The following RHBDF2 variants were observed in gnomAD, a reference collection of about 807,000 sequenced individuals.
RHBDF2 encodes rhomboid 5 homolog 2.
RHBDF2 carries 38 observed loss-of-function variants against 95.2 expected under a neutral mutation model. The observed-to-expected ratio is 0.40, with a 90% CI of 0.31 to 0.52. The LOEUF (loss-of-function observed/expected upper bound fraction) is 0.52. RHBDF2 is among the 20% of genes least tolerant of loss of function. The pLI, the probability that RHBDF2 is intolerant of heterozygous loss-of-function variation, is 0.56. For synonymous variants in RHBDF2, 442 were observed against 462.0 expected (o/e 0.96, Z 0.55); for missense variants, 863 against 1,137.7 (o/e 0.76, Z 3.47).
At chr17:76,493,734 G>A (rs1238538464) in intron 1 of RHBDF2, among the ~76,000 whole-genome samples, 1 of 152,182 alleles carries the variant, frequency 6.6e-6, no homozygotes, top group Admixed American at 6.5e-5. Context: ...GCGCAGACAC[G>A]ATCTCAACCC....
At position 76,474,063 on chromosome 17, in the gene RHBDF2, G is replaced by C; in HGVS notation, c.1544C>G (p.Thr515Ser). ...MDKSDLGQKR[T>S]SGAVCHQDPR... is the part of the protein sequence containing the mutation. ...GTCCTGGTGGCAGACAGCCCCCGAA[G>C]TCCGCTTCTGGCCCAGATCAGACTT... Residue 515 changes from threonine to serine, a missense_variant, in exon 13 of 19, where the codon ACT becomes AGT. Coordinates refer to ENST00000675367, the MANE Select transcript of RHBDF2 (RefSeq NM_001005498.4). 6.2e-7 allele frequency: 1 copy of C among 1,613,222 alleles called. No homozygotes were observed.
In RHBDF2 at chr17:76,479,733, T is replaced by C; in HGVS notation, c.272A>G (p.Lys91Arg). The C allele has an allele frequency of 6.2e-7, 1 of 1,606,590 alleles. No homozygotes were observed. Among genetic ancestry groups the C allele is most frequent in the Non-Finnish European group, 8.5e-7 (1 of 1,178,966 alleles). Residue 91 changes from lysine to arginine, a missense_variant and splice_region_variant, in exon 4 of 19, where the codon AAG (lysine) becomes AGG (arginine). Physicochemically the swap from Lys to Arg is conservative, Grantham distance 26 (BLOSUM62 2). This residue lies in a region of RHBDF2 where 611 missense variants were observed against 725.5 expected (regional missense o/e 0.84). Coordinates refer to ENST00000675367, the MANE Select transcript of RHBDF2 (RefSeq NM_001005498.4). ...RQASLSQSIRKGAAQWFGVSG... is the reference protein window; with the variant it reads ...RQASLSQSIRRGAAQWFGVSG... ...TGGGCTTGGGTGTAGGGGGGCTCAC[T>C]TGCGGATGCTCTGGGACAGTGAGGC...
Position 76,481,501 on chromosome 17 carries a change from G to A in RHBDF2, c.24C>T (p.Gly8=), listed in dbSNP as rs764411433. 2.0e-5 allele frequency: 32 copies of A among 1,610,516 alleles called. No individual in the cohort carries two copies. Among genetic ancestry groups the A allele is most frequent in the Middle Eastern group, 3.4e-4 (2 of 5,948 alleles). ...TGCTGGACACAGAGGACACGCTCCC[G>A]CCATTCTTGTCAGCAGAGGCCATTG... MASADKN[G]GSVSSVSSSR... Residue 8 remains glycine, a synonymous_variant, in exon 3 of 19, where the codon GGC becomes GGT. Coordinates refer to ENST00000675367, the MANE Select transcript of RHBDF2 (RefSeq NM_001005498.4).
In RHBDF2 at chr17:76,476,953, A is replaced by G; in HGVS notation, c.992T>C (p.Phe331Ser). The change falls in exon 9 of 19, where the codon TTT becomes TCT. Residue 331 changes from phenylalanine to serine, a missense_variant. By Grantham distance (155) the Phe-to-Ser change is radical. This residue lies in a region of RHBDF2 where 611 missense variants were observed against 725.5 expected (regional missense o/e 0.84). Transcript: ENST00000675367. ...GTGCCGCTTCTTCCGATCAAAGGCA[A>G]AGTGCTTCACCTTGGAGGCGATGCG... ...GKRIASKVKHFAFDRKKRHYG... is the reference protein window; with the variant it reads ...GKRIASKVKHSAFDRKKRHYG... The G allele has an allele frequency of 1.9e-6, 3 of 1,613,970 alleles. No homozygotes were observed. Among genetic ancestry groups the G allele is most frequent in the Non-Finnish European group, 2.5e-6 (3 of 1,180,034 alleles).
intron 6 of RHBDF2, among the ~76,000 whole-genome samples, chr17:76,478,299 T>A (rs1470829120): frequency 6.6e-6 from 1 of 152,218 alleles, no homozygotes; most frequent in Non-Finnish European, 1.5e-5. Flanking sequence ...CATAGGCCAT[T>A]CCCTCTGCTG....
In RHBDF2 at chr17:76,476,986, C is replaced by T; in HGVS notation, c.959G>A (p.Arg320His). The T allele has an allele frequency of 1.9e-6, 3 of 1,613,862 alleles. No individual in the cohort carries two copies. Among genetic ancestry groups the T allele is most frequent in the East Asian group, 2.2e-5 (1 of 44,886 alleles). ...YGRAPVPGPR[R>H]GKRIASKVKH... is the part of the protein sequence containing the mutation. ...CACCTTGGAGGCGATGCGCTTGCCG[C>T]GCCGGGGCCCGGGGACTGGGGCTCG... The change falls in exon 9 of 19, where the codon CGC becomes CAC. Residue 320 changes from arginine to histidine, a missense_variant. Physicochemically the swap from Arg to His is conservative, Grantham distance 29. Around this residue, in one of 2 missense-constraint regions of RHBDF2, gnomAD observed 611 missense variants for 725.5 expected, o/e 0.84. Transcript: ENST00000675367.
At chr17:76,480,662 A>G (rs2073937833) in intron 3 of RHBDF2, among the ~76,000 whole-genome samples, 3 of 152,186 alleles carry the variant, frequency 2.0e-5, no homozygotes, top group Admixed American at 2.0e-4. Context: ...ATGAGATTAC[A>G]GGCATGAGGC....
chr17:76,481,309 A>C, intron 3 of RHBDF2, 66 bp downstream of exon 3: 1 of 1,531,492 alleles, frequency 6.5e-7, no homozygotes, highest in South Asian at 1.2e-5. Context: ...AACTGACCAG[A>C]AAGTGTCACG....
chr17:76,479,563 C>T (rs1286212585), intron 4 of RHBDF2, 170 bp downstream of exon 4: 2 of 727,754 alleles, frequency 2.7e-6, no homozygotes, highest in South Asian at 1.5e-5. Flanking sequence ...AGCACATACC[C>T]ATTTCCCCAT....
rs1365502389 is a variant in RHBDF2 at position 76,475,147 on chromosome 17, CAG to C, written c.1116-8_1116-7del. The C allele has an allele frequency of 5.7e-6, 9 of 1,577,462 alleles. No homozygotes were observed. Among genetic ancestry groups the C allele is most frequent in the African/African-American group, 5.4e-5 (4 of 74,494 alleles). The stretch of plus-strand genomic sequence containing the variant: ...GCCAGTAGGTGAAGTAGGGCCTGTG[CAG>C]AGACACCTCGGGTCAGCTGAGCCGA... On this transcript the variant is annotated splice_polypyrimidine_tract_variant and splice_region_variant and intron_variant, in intron 9 of 18. Coordinates refer to ENST00000675367, the MANE Select transcript of RHBDF2 (RefSeq NM_001005498.4).
Position 76,477,723 on chromosome 17 carries a change from G to A in RHBDF2, c.735C>T (p.Phe245=), listed in dbSNP as rs762541683. ...CCACATCCTCCTCCAGGAAGCTCGGGAAGGCAAAGCTGCGCTTGACCACCC... is the reference window on the plus strand; with the variant it reads ...CCACATCCTCCTCCAGGAAGCTCGGAAAGGCAAAGCTGCGCTTGACCACCC... ...RCRVVKRSFA[F]PSFLEEDVVD... The change falls in exon 7 of 19, where the codon TTC becomes TTT. Residue 245 remains phenylalanine, a synonymous_variant. Coordinates refer to ENST00000675367, the MANE Select transcript of RHBDF2 (RefSeq NM_001005498.4). The A allele has an allele frequency of 3.1e-6, 5 of 1,614,004 alleles. No individual in the cohort carries two copies. The highest frequency in any genetic ancestry group is 4.2e-6 in the Non-Finnish European group (5 of 1,180,024).
In RHBDF2 at chr17:76,474,723, C is replaced by T; in HGVS notation, c.1302+7G>A. On this transcript the variant is annotated splice_region_variant and intron_variant, in intron 11 of 18. Transcript: ENST00000675367. ...CTCAGATGATGTCCCCCAGCCTGGG[C>T]CCTCACCGAGCTGGGGCCAACCCAG... The T allele has an allele frequency of 6.2e-7, 1 of 1,614,194 alleles. No homozygotes were observed. Among genetic ancestry groups the T allele is most frequent in the Non-Finnish European group, 8.5e-7 (1 of 1,180,026 alleles).
chr17:76,496,864 C>T (rs1433706811), intron 1 of RHBDF2, among the ~76,000 whole-genome samples: 6 of 152,124 alleles, frequency 3.9e-5, no homozygotes, highest in African/African-American at 1.2e-4. Flanking sequence ...TGGGTTCAAG[C>T]GATTCTCCTG....
intron 1 of RHBDF2, among the ~76,000 whole-genome samples, chr17:76,497,797 G>C (rs1303794522): frequency 6.6e-6 from 1 of 152,212 alleles, no homozygotes; most frequent in Non-Finnish European, 1.5e-5. Context: ...ACACATGGAC[G>C]ACTGTGCCCA....
At chr17:76,472,607 C>A (rs1409090556) in intron 18 of RHBDF2, 79 bp downstream of exon 18, 1 of 1,581,490 alleles carries the variant, frequency 6.3e-7, no homozygotes, top group Non-Finnish European at 8.7e-7. Context: ...GTCCCTCTGG[C>A]AGATCCCAGG....
chr17:76,472,629 G>A (rs1354277977), intron 18 of RHBDF2, 57 bp downstream of exon 18: 1 of 1,609,192 alleles, frequency 6.2e-7, no homozygotes, highest in African/African-American at 1.3e-5. Context: ...GGGTGGAATA[G>A]GAGCAGCAGG....
chr17:76,479,670 A>G, intron 4 of RHBDF2, 63 bp downstream of exon 4: 1 of 1,310,334 alleles, frequency 7.6e-7, no homozygotes, highest in South Asian at 1.2e-5. Flanking sequence ...AATCATGTCC[A>G]GGCCCCGAGA....
chr17:76,480,017 G>GTGTGTA, intron 3 of RHBDF2, 163 bp from the exon 4 acceptor site: 1 of 126,542 alleles, frequency 7.9e-6, no homozygotes, highest in Non-Finnish European at 1.5e-5. Context: ...ATGTGTGTGT[G>GTGTGTA]TGTGTGTGTG....
chr17:76,490,038 C>T (rs191115670), intron 1 of RHBDF2, among the ~76,000 whole-genome samples: 1 of 152,326 alleles, frequency 6.6e-6, no homozygotes, highest in Admixed American at 6.5e-5. Context: ...GCCTGGGGGT[C>T]CCCAGCGGTG....
Sources: gnomAD v4.1 joint callset for allele counts (sites outside exome capture counted in the v4.1 genomes callset) on GRCh38, gnomAD v4.1.1 for gene constraint, gnomAD v4.1.1 regional missense constraint, MANE v1.5 for transcripts, NCBI Gene and HGNC (gene_info 2026-07-23, HGNC 2026-07-21) for gene names.